Variants in TSHZ2 observed in about 807,000 individuals in gnomAD.
TSHZ2 encodes the protein teashirt zinc finger homeobox 2.
A neutral mutation model predicts 74.4 loss-of-function variants in TSHZ2; 21 were observed. The ratio of observed to expected loss-of-function variants is 0.28; its 90% CI spans 0.20 to 0.41. The LOEUF is 0.41. Ranked by LOEUF, TSHZ2 falls within the 10% of genes least tolerant of loss-of-function variation. The pLI is 1.00. For missense variants in TSHZ2, 1,244 were observed against 1,293.5 expected, an observed-to-expected ratio of 0.96 and a Z score of 0.59; for synonymous variants, 540 against 515.3, an observed-to-expected ratio of 1.05 and a Z score of -0.65.
chr20:53,325,922 C>T (rs1299152924), intron 2 of TSHZ2, among the ~76,000 whole-genome samples: 2 of 152,178 alleles, frequency 1.3e-5, no homozygotes, highest in Non-Finnish European at 2.9e-5. Context: ...GCTGGGATTA[C>T]AGGCATCTGC....
At chr20:53,229,959 AAAG>A (rs1236815505) in intron 1 of TSHZ2, among the ~76,000 whole-genome samples, 24 of 150,970 alleles carry the variant, frequency 1.6e-4, no homozygotes, top group African/African-American at 4.9e-4. Context: ...GAAGAAAGAG[AAAG>A]AAGAAGGAAG....
chr20:53,482,059 T>A (rs1005559977), intron 2 of TSHZ2, among the ~76,000 whole-genome samples: 1 of 139,924 alleles, frequency 7.1e-6, no homozygotes, highest in Non-Finnish European at 1.5e-5. Context: ...AGTCGAGATA[T>A]CGTGCCATTG....
intron 2 of TSHZ2, among the ~76,000 whole-genome samples, chr20:53,270,827 T>C (rs771863955): frequency 2.0e-5 from 3 of 152,234 alleles, no homozygotes; most frequent in Non-Finnish European, 2.9e-5. Flanking sequence ...TTATGCTTTT[T>C]TCAATGCTAC....
At chr20:53,404,128 C>T (rs1441359266) in intron 2 of TSHZ2, among the ~76,000 whole-genome samples, 1 of 152,058 alleles carries the variant, frequency 6.6e-6, no homozygotes, top group African/African-American at 2.4e-5. Context: ...ATGGCCTTTT[C>T]TTTTTCTTTT....
chr20:53,295,721 G>T (rs1991364375), intron 2 of TSHZ2, among the ~76,000 whole-genome samples: 1 of 152,186 alleles, frequency 6.6e-6, no homozygotes, highest in South Asian at 2.1e-4. Flanking sequence ...GCCAGATCCT[G>T]ATGCTTGCCT....
chr20:53,339,130 G>A (rs1044773286), intron 2 of TSHZ2, among the ~76,000 whole-genome samples: 11 of 152,042 alleles, frequency 7.2e-5, no homozygotes, highest in African/African-American at 2.7e-4. Context: ...CACAAGCTTG[G>A]GTGCAGAAGA....
At chr20:53,194,729 T>C (rs1988819740) in intron 1 of TSHZ2, among the ~76,000 whole-genome samples, 1 of 152,216 alleles carries the variant, frequency 6.6e-6, no homozygotes, top group Non-Finnish European at 1.5e-5. Context: ...GGGTAAGGCC[T>C]GGGCCAGCTC....
chr20:53,040,948 C>T (rs1052079976), intron 1 of TSHZ2, among the ~76,000 whole-genome samples: 2 of 152,126 alleles, frequency 1.3e-5, no homozygotes, highest in Non-Finnish European at 2.9e-5. Flanking sequence ...CTTTCTTTAC[C>T]GTGCCATGAA....
intron 1 of TSHZ2, among the ~76,000 whole-genome samples, chr20:53,212,538 A>G (rs1989336677): frequency 6.6e-6 from 1 of 152,198 alleles, no homozygotes; most frequent in African/African-American, 2.4e-5. Context: ...ACTGGGACAC[A>G]TCGAGGGGGA....
chr20:53,086,054 G>C lies in TSHZ2; in HGVS notation c.40+112721G>C, dbSNP rs561152091. Among the ~76,000 whole-genome samples, 6 of 152,190 alleles carry C rather than the reference G, an allele frequency of 3.9e-5. No homozygotes were observed. The East Asian group carries it at 9.6e-4, about 24-fold the overall frequency. ...GCACCAATCTCTTTGCATGGAGGCC[G>C]TGTCTTCTGGTCTCTTGGTAGCTCA... is the stretch of plus-strand genomic sequence containing the variant. On this transcript the variant is annotated intron_variant, in intron 1 of 2. Coordinates refer to ENST00000371497, the MANE Select transcript of TSHZ2 (RefSeq NM_173485.6).
At chr20:53,457,731 C>G (rs998598821) in intron 2 of TSHZ2, among the ~76,000 whole-genome samples, 1 of 150,894 alleles carries the variant, frequency 6.6e-6, no homozygotes, top group South Asian at 2.1e-4. Context: ...GAAATATGTC[C>G]CATCAATACC....
At chr20:53,428,593 T>C (rs1279200491) in intron 2 of TSHZ2, among the ~76,000 whole-genome samples, 10 of 152,184 alleles carry the variant, frequency 6.6e-5, no homozygotes, top group Non-Finnish European at 1.2e-4. Flanking sequence ...GGGTGGTCAA[T>C]GAACTCATTG....
At chr20:53,465,211 G>T (rs933969200) in intron 2 of TSHZ2, among the ~76,000 whole-genome samples, 5 of 152,150 alleles carry the variant, frequency 3.3e-5, no homozygotes, top group African/African-American at 1.2e-4. Flanking sequence ...CCACTCATTT[G>T]TAAAAATTGG....
intron 2 of TSHZ2, among the ~76,000 whole-genome samples, chr20:53,309,808 T>G (rs1600803493): frequency 6.6e-6 from 1 of 152,324 alleles, no homozygotes; most frequent in South Asian, 2.1e-4. Context: ...CCCTTCTGAC[T>G]TGGAAGGGCA....
chr20:53,421,239 CT>C, intron 2 of TSHZ2: 1 of 156,694 alleles, frequency 6.4e-6, no homozygotes. Context: ...GATGGCGAGC[CT>C]TTAGGCCATG....
chr20:53,254,362 A>C lies in TSHZ2; in HGVS notation c.904A>C (p.Lys302Gln). Residue 302 changes from lysine (K) to glutamine (Q), a missense_variant, in exon 2 of 3, where the codon AAA (lysine) becomes CAA (glutamine). Lys to Gln is a moderately conservative substitution (Grantham distance 53, BLOSUM62 1). Transcript: ENST00000371497. The stretch of plus-strand genomic sequence containing the variant: ...CATGATTAAAACAAAACATTACCAA[A>C]AAGTGCCTTTGAAGGAGCCAGTCCC... The part of the protein sequence containing the change: ...VHMIKTKHYQ[K>Q]VPLKEPVPTI... 1 of 1,614,168 alleles carries C rather than the reference A, an allele frequency of 6.2e-7. No homozygotes were observed. The highest frequency in any genetic ancestry group is 1.3e-5 in the African/African-American group (1 of 75,038).
rs1325840282 is a variant in TSHZ2, at chr20:53,040,112, A to G, written c.40+66779A>G. On this transcript the variant is annotated intron_variant, in intron 1 of 2. Coordinates refer to ENST00000371497, the MANE Select transcript of TSHZ2 (RefSeq NM_173485.6). ...AGAGCAAGACTCCGTCTAAAAAAAC[A>G]AAAACAGTGAATAGTTAGTTAGGAC... Among the ~76,000 whole-genome samples, 9 of 152,216 alleles carry G rather than the reference A, an allele frequency of 5.9e-5. No individual in the cohort carries two copies. The East Asian group carries it at 1.7e-3, about 29-fold the overall frequency.
At chr20:53,248,451 T>C (rs1469734227) in intron 1 of TSHZ2, among the ~76,000 whole-genome samples, 1 of 152,310 alleles carries the variant, frequency 6.6e-6, no homozygotes, top group East Asian at 1.9e-4. Context: ...TTTACCCACA[T>C]ACTATTAGGG....
chr20:53,484,235 G>A (rs925850661), intron 2 of TSHZ2, among the ~76,000 whole-genome samples: 3 of 152,174 alleles, frequency 2.0e-5, no homozygotes, highest in African/African-American at 7.2e-5. Flanking sequence ...TCCACTGATG[G>A]TGATCAAGGC....
Sources: gnomAD v4.1 joint callset for allele counts (sites outside exome capture counted in the v4.1 genomes callset) on GRCh38, gnomAD v4.1.1 for gene constraint, MANE v1.5 for transcripts, NCBI Gene and HGNC (gene_info 2026-07-23, HGNC 2026-07-21) for gene names.